The following CHUK variants were observed in gnomAD, a reference collection of about 807,000 sequenced individuals.
CHUK encodes the protein inhibitor of nuclear factor kappa-B kinase subunit alpha.
CHUK carries 35 observed loss-of-function variants against 104.8 expected under a neutral mutation model. The ratio of observed to expected loss-of-function variants is 0.33; its 90% CI spans 0.26 to 0.44. The LOEUF is 0.44. Ranked by LOEUF, CHUK falls within the 20% of genes least tolerant of loss-of-function variation. The probability of loss-of-function intolerance (pLI) is 1.00; values close to 1 mark genes in which losing one functional copy is unlikely to be tolerated. For missense variants in CHUK, 663 were observed against 902.7 expected, an observed-to-expected ratio of 0.73 and a Z score of 3.40; for synonymous variants, 276 against 291.9, an observed-to-expected ratio of 0.95 and a Z score of 0.56.
At chr10:100,198,223 CCAGA>C (rs1845381497) in intron 16 of CHUK, among the ~76,000 whole-genome samples, 1 of 152,030 alleles carries the variant, frequency 6.6e-6, no homozygotes, top group Admixed American at 6.6e-5. Context: ...CTGAAAGAGG[CCAGA>C]CAACTAGCAA....
intron 13 of CHUK, 74 bp from the exon 14 acceptor site, chr10:100,202,223 A>G (rs966098032): frequency 3.2e-6 from 3 of 949,224 alleles, no homozygotes; most frequent in South Asian, 2.6e-5. Flanking sequence ...CCTCCTTGCC[A>G]TATCAACATC....
chr10:100,194,572 G>A, intron 16 of CHUK, 51 bp from the exon 17 acceptor site: 3 of 1,213,566 alleles, frequency 2.5e-6, no homozygotes, highest in South Asian at 1.3e-5. Flanking sequence ...TAACATATCA[G>A]CCTCCAAACA....
intron 12 of CHUK, 69 bp downstream of exon 12, chr10:100,205,007 C>T (rs114100421): frequency 6.4e-7 from 1 of 1,569,222 alleles, no homozygotes; most frequent in Non-Finnish European, 8.8e-7. Flanking sequence ...TTAGTGAAAA[C>T]CGGCAAGATT....
chr10:100,226,848 T>A (rs1846116793), intron 1 of CHUK, among the ~76,000 whole-genome samples: 1 of 152,008 alleles, frequency 6.6e-6, no homozygotes, highest in South Asian at 2.1e-4. Flanking sequence ...AAAAAATATA[T>A]TATAGGTGGG....
In CHUK at chr10:100,222,902, T is replaced by A; in HGVS notation, c.279A>T (p.Leu93=). 1.2e-6 allele frequency: 2 copies of A among 1,602,838 alleles called. No individual in the cohort carries two copies. Among genetic ancestry groups the A allele is most frequent in the South Asian group, 1.1e-5 (1 of 90,872 alleles). ...LNILIHDVPL[L]AMEYCSGGDL... is the part of the protein sequence containing the mutation. Reference sequence around the variant, plus strand: ...CTCCTCCAGAACAGTATTCCATTGCTAGAAGAGGCACATCATGAATCAAAA... The same window carrying A: ...CTCCTCCAGAACAGTATTCCATTGCAAGAAGAGGCACATCATGAATCAAAA... Residue 93 remains leucine (L), a synonymous_variant, in exon 3 of 21, where the codon CTA becomes CTT. Coordinates refer to ENST00000370397, the MANE Select transcript of CHUK (RefSeq NM_001278.5).
intron 4 of CHUK, 50 bp downstream of exon 4, chr10:100,222,062 T>C (rs1214785087): frequency 1.1e-6 from 1 of 947,360 alleles, no homozygotes; most frequent in Non-Finnish European, 1.7e-6. Flanking sequence ...AGATCTTTTA[T>C]GGGCCAAAGG....
rs1365376977 is a variant in CHUK, at chr10:100,229,499, C to G, written c.34G>C (p.Gly12Arg). Residue 12 changes from glycine (G) to arginine (R), a missense_variant, in exon 1 of 21, where the codon GGC becomes CGC. Gly to Arg is a moderately radical substitution (Grantham distance 125). This residue lies in a region of CHUK where 44 missense variants were observed against 39.2 expected (regional missense o/e 1.12). Transcript: ENST00000370397. ...ERPPGLRPGA[G>R]GPWEMRERLG... ...CGCTCCCGCATCTCCCAGGGCCCGC[C>G]CGCGCCCGGCCGCAGCCCCGGGGGC... The G allele has an allele frequency of 6.4e-7, 1 of 1,571,102 alleles. No homozygotes were observed. Among genetic ancestry groups the G allele is most frequent in the African/African-American group, 1.4e-5 (1 of 74,016 alleles).
At chr10:100,199,919 C>G in intron 16 of CHUK, 52 bp downstream of exon 16, 2 of 1,243,172 alleles carry the variant, frequency 1.6e-6, no homozygotes, top group Non-Finnish European at 2.4e-6. Flanking sequence ...ATTTGTTAGG[C>G]TAGTGATAGT....
rs886624092 is a variant in CHUK at position 100,229,580 on chromosome 10, G to C, written c.-48C>G. 2.5e-6 allele frequency: 3 copies of C among 1,199,500 alleles called. No homozygotes were observed. Among genetic ancestry groups the C allele is most frequent in the Non-Finnish European group, 3.5e-6 (3 of 860,306 alleles). 74.3% of individuals were successfully genotyped at this position (1,199,500 alleles called of 1,614,324 possible). A position where few individuals can be genotyped will look rare whatever the true frequency, so the allele number is the denominator to read the frequency against. On this transcript the variant is annotated 5_prime_UTR_variant, in exon 1 of 21. Coordinates refer to ENST00000370397, the MANE Select transcript of CHUK (RefSeq NM_001278.5). ...CAGGTTCCACAGTTGTTCCAAGGCC[G>C]GTTCCGGGCCGCCGATGCTCGCGCG...
intron 13 of CHUK, among the ~76,000 whole-genome samples, chr10:100,203,536 TAC>T (rs1255197427): frequency 6.6e-6 from 1 of 152,026 alleles, no homozygotes; most frequent in East Asian, 1.9e-4. Context: ...TACTCTGAGA[TAC>T]ACAGAGTTTG....
At chr10:100,201,119 C>A (rs982132318) in intron 14 of CHUK, among the ~76,000 whole-genome samples, 1 of 152,142 alleles carries the variant, frequency 6.6e-6, no homozygotes, top group African/African-American at 2.4e-5. Flanking sequence ...TTACTTGTAT[C>A]TTGGCTCTAT....
chr10:100,202,358 C>T (rs566889614), intron 13 of CHUK, among the ~76,000 whole-genome samples: 4 of 152,272 alleles, frequency 2.6e-5, no homozygotes, highest in African/African-American at 9.6e-5. Context: ...TAAATTAATA[C>T]TCATACTGGA....
In CHUK at chr10:100,209,625, T is replaced by C; in HGVS notation, c.1098A>G (p.Lys366=). The change falls in exon 10 of 21, where the codon AAA becomes AAG. Residue 366 remains lysine, a synonymous_variant. Coordinates refer to ENST00000370397, the MANE Select transcript of CHUK (RefSeq NM_001278.5). ...CATCTAGAACACATTGAGAGGCTGG[T>C]TTCCGAGGATCCAGAGAAATTCCTG... is the stretch of plus-strand genomic sequence containing the variant. ...SETGISLDPR[K]PASQCVLDGV... 6.2e-7 allele frequency: 1 copy of C among 1,610,460 alleles called. No individual in the cohort carries two copies. Among genetic ancestry groups the C allele is most frequent in the Non-Finnish European group, 8.5e-7 (1 of 1,176,728 alleles).
intron 18 of CHUK, chr10:100,193,774 G>A: frequency 3.2e-6 from 2 of 623,032 alleles, no homozygotes; most frequent in Non-Finnish European, 5.7e-6. Context: ...GCTAAGAGGA[G>A]TATAACAACA....
At chr10:100,215,357 GT>G (rs1245391460) in intron 9 of CHUK, among the ~76,000 whole-genome samples, 2 of 151,994 alleles carry the variant, frequency 1.3e-5, no homozygotes, top group Non-Finnish European at 2.9e-5. Flanking sequence ...TGGCAGAAGA[GT>G]CACAGCTACA....
intron 10 of CHUK, among the ~76,000 whole-genome samples, chr10:100,208,070 T>C (rs1239091274): frequency 6.6e-6 from 1 of 152,200 alleles, no homozygotes; most frequent in Non-Finnish European, 1.5e-5. Context: ...ACTGCTGTTC[T>C]CACAGTAGTT....
At chr10:100,211,685 A>G (rs1845732181) in intron 9 of CHUK, among the ~76,000 whole-genome samples, 1 of 152,206 alleles carries the variant, frequency 6.6e-6, no homozygotes, top group Admixed American at 6.5e-5. Flanking sequence ...AAGGTTGAAT[A>G]CTATTCCACT....
intron 13 of CHUK, 123 bp downstream of exon 13, chr10:100,204,383 G>C (rs1845540545): frequency 1.2e-6 from 1 of 805,402 alleles, no homozygotes; most frequent in Non-Finnish European, 2.2e-6. Context: ...GTTAATTTAA[G>C]TTGTCCTGTC....
At chr10:100,219,989 G>T (rs1845948637) in intron 5 of CHUK, among the ~76,000 whole-genome samples, 1 of 152,048 alleles carries the variant, frequency 6.6e-6, no homozygotes. Context: ...TCAACACAAG[G>T]TTCAGACTCT....
Sources: allele counts gnomAD v4.1 joint callset (sites outside exome capture counted in the v4.1 genomes callset), GRCh38; gene constraint gnomAD v4.1.1; regional missense constraint gnomAD v4.1.1; transcripts MANE v1.5; gene names NCBI Gene and HGNC (gene_info 2026-07-23, HGNC 2026-07-21).